Variants in DIAPH3 observed in about 807,000 individuals in gnomAD.
The protein encoded by DIAPH3 is diaphanous related formin 3.
In DIAPH3, 117 loss-of-function variants were observed where a neutral mutation model predicts 144.3. That is an observed-to-expected ratio of 0.81 (90% CI 0.70 to 0.95). The LOEUF is 0.95. Among genes scored for constraint, DIAPH3 ranks in the 40% least tolerant of loss-of-function variants. DIAPH3 has a pLI of 0.00. For synonymous variants in DIAPH3, 519 were observed against 488.9 expected (o/e 1.06, Z -0.81); for missense variants, 1,421 against 1,412.7 (o/e 1.01, Z -0.09).
At chr13:59,821,529 A>C (rs896086429) in intron 24 of DIAPH3, among the ~76,000 whole-genome samples, 3 of 152,278 alleles carry the variant, frequency 2.0e-5, no homozygotes, top group African/African-American at 7.2e-5. Context: ...AGTCTGTCAG[A>C]ATATAGAAAT....
At position 60,153,074 on chromosome 13, in the gene DIAPH3, G is replaced by C. The variant is rs893679624; in HGVS notation, c.180+10513C>G. ...CCCACTCTATAACCATGTTCTCTCA[G>C]GAACTTTTGGTTTTACTTTTGTAAA... On this transcript the variant is annotated intron_variant, in intron 1 of 27. Coordinates refer to ENST00000400324, the MANE Select transcript of DIAPH3 (RefSeq NM_001042517.2). Among the ~76,000 whole-genome samples the C allele has an allele frequency of 1.1e-4, 16 of 151,986 alleles. No homozygotes were observed. The South Asian group carries it at 1.7e-3, about 16-fold the overall frequency.
intron 27 of DIAPH3, among the ~76,000 whole-genome samples, chr13:59,698,805 G>C (rs945779940): frequency 6.6e-6 from 1 of 152,160 alleles, no homozygotes; most frequent in African/African-American, 2.4e-5. Flanking sequence ...AAAGAATTAG[G>C]ATGGCATGGT....
intron 1 of DIAPH3, among the ~76,000 whole-genome samples, chr13:60,157,699 G>A (rs1340119101): frequency 6.6e-6 from 1 of 152,122 alleles, no homozygotes; most frequent in East Asian, 1.9e-4. Flanking sequence ...TATGGTGTAG[G>A]GACTCTGAAT....
intron 27 of DIAPH3, among the ~76,000 whole-genome samples, chr13:59,705,262 T>A (rs1296413599): frequency 1.3e-5 from 2 of 152,196 alleles, no homozygotes; most frequent in African/African-American, 4.8e-5. Context: ...CCGCCATGAA[T>A]TTTTAAACAC....
At chr13:60,022,720 C>T (rs2054114768) in intron 5 of DIAPH3, among the ~76,000 whole-genome samples, 1 of 152,172 alleles carries the variant, frequency 6.6e-6, no homozygotes, top group South Asian at 2.1e-4. Context: ...AATTACACTG[C>T]AATGACTCTG....
chr13:59,761,972 G>C (rs1369935436), intron 27 of DIAPH3, among the ~76,000 whole-genome samples: 1 of 150,672 alleles, frequency 6.6e-6, no homozygotes, highest in Non-Finnish European at 1.5e-5. Flanking sequence ...TTTCTCCAAA[G>C]GGCTGCTCAA....
chr13:60,025,523 G>C (rs533869246), intron 5 of DIAPH3, among the ~76,000 whole-genome samples: 5 of 150,894 alleles, frequency 3.3e-5, no homozygotes, highest in African/African-American at 1.2e-4. Flanking sequence ...TGAGAAAAAG[G>C]CAGTGACAGT....
intron 14 of DIAPH3, among the ~76,000 whole-genome samples, chr13:59,980,420 T>A (rs114168721): frequency 1.9e-3 from 285 of 151,702 alleles, no homozygotes; most frequent in African/African-American, 6.3e-3. Flanking sequence ...AAAAAGGATC[T>A]TTTTAGTTCT....
chr13:60,001,705 G>A (rs975160796), intron 9 of DIAPH3, among the ~76,000 whole-genome samples: 1 of 152,168 alleles, frequency 6.6e-6, no homozygotes, highest in Admixed American at 6.5e-5. Context: ...AAAACACCAT[G>A]ACTTGAACCC....
intron 25 of DIAPH3, among the ~76,000 whole-genome samples, chr13:59,797,413 C>T (rs138770914): frequency 2.2e-3 from 339 of 152,256 alleles, no homozygotes; most frequent in African/African-American, 7.6e-3. Context: ...CACCATCACA[C>T]TAATAATTCT....
At chr13:59,733,378 A>C (rs972261415) in intron 27 of DIAPH3, among the ~76,000 whole-genome samples, 2 of 152,192 alleles carry the variant, frequency 1.3e-5, no homozygotes, top group Non-Finnish European at 2.9e-5. Flanking sequence ...TAAAACACCC[A>C]TAATCTGAGT....
intron 3 of DIAPH3, among the ~76,000 whole-genome samples, chr13:60,103,737 T>C (rs2058336483): frequency 6.6e-6 from 1 of 152,216 alleles, no homozygotes; most frequent in Non-Finnish European, 1.5e-5. Context: ...CATTATATTA[T>C]TAAAGCCACA....
At chr13:59,893,493 A>C (rs1163472128) in intron 20 of DIAPH3, among the ~76,000 whole-genome samples, 3 of 152,150 alleles carry the variant, frequency 2.0e-5, no homozygotes, top group Middle Eastern at 3.2e-3. Flanking sequence ...TAAAAGGGAA[A>C]GCTGGAGCTG....
chr13:59,709,377 T>A (rs1366024882), intron 27 of DIAPH3, among the ~76,000 whole-genome samples: 1 of 151,940 alleles, frequency 6.6e-6, no homozygotes, highest in African/African-American at 2.4e-5. Flanking sequence ...GAATCTACAA[T>A]GAACTCAAAC....
At chr13:60,034,060 GC>G (rs1236696966) in intron 5 of DIAPH3, among the ~76,000 whole-genome samples, 1 of 152,122 alleles carries the variant, frequency 6.6e-6, no homozygotes, top group Non-Finnish European at 1.5e-5. Context: ...ATAATAACAA[GC>G]CCAGAAAATT....
intron 20 of DIAPH3, among the ~76,000 whole-genome samples, chr13:59,899,579 T>G (rs2046320645): frequency 6.6e-6 from 1 of 152,102 alleles, no homozygotes; most frequent in African/African-American, 2.4e-5. Context: ...AGGTAAGAAA[T>G]ACCAAGGCAG....
At chr13:59,958,866 A>ATTTT (rs2049567787) in intron 17 of DIAPH3, among the ~76,000 whole-genome samples, 1 of 132,030 alleles carries the variant, frequency 7.6e-6, no homozygotes, top group African/African-American at 2.9e-5. Flanking sequence ...ACTTCAATAA[A>ATTTT]CTTTTTTTTT....
intron 9 of DIAPH3, among the ~76,000 whole-genome samples, chr13:59,994,032 T>C (rs570744731): frequency 2.0e-5 from 3 of 151,428 alleles, no homozygotes. Flanking sequence ...AAATGGAAAA[T>C]ACATATATGT....
intron 3 of DIAPH3, among the ~76,000 whole-genome samples, chr13:60,095,329 A>G (rs1247264205): frequency 6.6e-6 from 1 of 152,220 alleles, no homozygotes; most frequent in East Asian, 1.9e-4. Flanking sequence ...CTTGCAGAGC[A>G]GGGCTAACTC....
Sources: allele counts gnomAD v4.1 joint callset (sites outside exome capture counted in the v4.1 genomes callset), GRCh38; gene constraint gnomAD v4.1.1; transcripts MANE v1.5; gene names NCBI Gene and HGNC (gene_info 2026-07-23, HGNC 2026-07-21).